The following KCNH5 variants were observed in gnomAD, a reference collection of about 807,000 sequenced individuals.
The protein encoded by KCNH5 is potassium voltage-gated channel subfamily H member 5, also known as voltage-gated delayed rectifier potassium channel KCNH5.
A neutral mutation model predicts 96.1 loss-of-function variants in KCNH5; 46 were observed. The observed-to-expected ratio is 0.48, with a 90% confidence interval of 0.38 to 0.61. The LOEUF is 0.61. Among genes scored for constraint, KCNH5 ranks in the 20% least tolerant of loss-of-function variants. The probability of loss-of-function intolerance (pLI) is 0.00; values close to 1 mark genes in which losing one functional copy is unlikely to be tolerated. For missense variants in KCNH5, 907 were observed against 1,225.8 expected, an observed-to-expected ratio of 0.74 and a Z score of 3.88; for synonymous variants, 439 against 449.8, an observed-to-expected ratio of 0.98 and a Z score of 0.30.
chr14:62,999,696 C>T (rs1453502572), intron 4 of KCNH5, among the ~76,000 whole-genome samples: 1 of 115,592 alleles, frequency 8.7e-6, no homozygotes, highest in Non-Finnish European at 1.6e-5. Flanking sequence ...GGGAACATCA[C>T]ACTCTGGGGA....
chr14:62,803,151 A>G (rs891074091), intron 8 of KCNH5, among the ~76,000 whole-genome samples: 6 of 152,196 alleles, frequency 3.9e-5, no homozygotes, highest in African/African-American at 1.4e-4. Context: ...ACCTTATCTC[A>G]AAACAAAAAC....
At chr14:63,036,845 T>C (rs1294034710) in intron 1 of KCNH5, among the ~76,000 whole-genome samples, 1 of 151,884 alleles carries the variant, frequency 6.6e-6, no homozygotes, top group African/African-American at 2.4e-5. Context: ...ATAAGATGAA[T>C]GGTGGAGAGG....
intron 7 of KCNH5, among the ~76,000 whole-genome samples, chr14:62,906,333 A>G (rs1889027321): frequency 6.6e-6 from 1 of 152,190 alleles, no homozygotes; most frequent in South Asian, 2.1e-4. Context: ...TGCTGTGAGA[A>G]TATAGAAAAG....
At chr14:63,044,006 T>C (rs1446060964) in intron 1 of KCNH5, among the ~76,000 whole-genome samples, 1 of 152,150 alleles carries the variant, frequency 6.6e-6, no homozygotes, top group Non-Finnish European at 1.5e-5. Context: ...CCCAAATAAA[T>C]ATTGTTTCAA....
chr14:62,732,250 A>G (rs931266463), intron 10 of KCNH5, among the ~76,000 whole-genome samples: 1 of 151,800 alleles, frequency 6.6e-6, no homozygotes, highest in Non-Finnish European at 1.5e-5. Flanking sequence ...TCCCCTCTCC[A>G]CCTATAGAAT....
intron 7 of KCNH5, among the ~76,000 whole-genome samples, chr14:62,946,265 A>C (rs141095301): frequency 3.2e-4 from 49 of 152,266 alleles, no homozygotes; most frequent in African/African-American, 1.1e-3. Context: ...CCTCAGAAAC[A>C]AAGTAAATAA....
chr14:62,977,951 T>C (rs562554020), intron 6 of KCNH5, among the ~76,000 whole-genome samples: 36 of 152,300 alleles, frequency 2.4e-4, no homozygotes, highest in South Asian at 4.1e-4. Flanking sequence ...AGTAAATGGA[T>C]AGTCCCAGAG....
At chr14:62,866,220 A>G (rs1316737665) in intron 7 of KCNH5, among the ~76,000 whole-genome samples, 3 of 152,198 alleles carry the variant, frequency 2.0e-5, no homozygotes, top group Non-Finnish European at 4.4e-5. Flanking sequence ...GAATCAATAA[A>G]AACCTGCAAG....
chr14:62,797,726 T>TG (rs1466211936), intron 9 of KCNH5, among the ~76,000 whole-genome samples: 6 of 152,040 alleles, frequency 3.9e-5, no homozygotes, highest in Non-Finnish European at 8.8e-5. Flanking sequence ...ATAATTTTTT[T>TG]TTTTTTTGAG....
At chr14:62,790,873 G>C (rs1351486894) in intron 9 of KCNH5, among the ~76,000 whole-genome samples, 1 of 151,730 alleles carries the variant, frequency 6.6e-6, no homozygotes, top group Non-Finnish European at 1.5e-5. Flanking sequence ...TGAGGTTTTT[G>C]TAGAATCTTT....
chr14:62,746,298 C>A (rs1056034368), intron 10 of KCNH5, among the ~76,000 whole-genome samples: 1 of 152,088 alleles, frequency 6.6e-6, no homozygotes, highest in Non-Finnish European at 1.5e-5. Flanking sequence ...CACCAACCTG[C>A]CAAATATATT....
chr14:62,967,929 A>T (rs891952275), intron 6 of KCNH5, among the ~76,000 whole-genome samples: 10 of 152,184 alleles, frequency 6.6e-5, no homozygotes, highest in African/African-American at 2.4e-4. Flanking sequence ...AGATAAAAAA[A>T]TTTTTATGTA....
intron 9 of KCNH5, among the ~76,000 whole-genome samples, chr14:62,791,739 T>C (rs1393570284): frequency 6.6e-6 from 1 of 151,676 alleles, no homozygotes; most frequent in African/African-American, 2.4e-5. Context: ...TGTAAATATA[T>C]ATGTACCCAA....
chr14:62,766,202 C>T (rs531225112), intron 10 of KCNH5, among the ~76,000 whole-genome samples: 5 of 152,138 alleles, frequency 3.3e-5, no homozygotes, highest in Admixed American at 1.3e-4. Flanking sequence ...TGTGGAAAAA[C>T]GGGACATCTT....
At chr14:62,973,551 G>T (rs1244759253) in intron 6 of KCNH5, among the ~76,000 whole-genome samples, 1 of 152,132 alleles carries the variant, frequency 6.6e-6, no homozygotes, top group East Asian at 1.9e-4. Context: ...TCCACCATGT[G>T]AGGACAGCCC....
intron 10 of KCNH5, among the ~76,000 whole-genome samples, chr14:62,772,220 T>G (rs878938834): frequency 6.6e-6 from 1 of 152,130 alleles, no homozygotes. Flanking sequence ...CCTTTTTTTT[T>G]GATTAACTAA....
At chr14:62,781,678 G>GCCGGGCTCA (rs2139977827) in intron 9 of KCNH5, among the ~76,000 whole-genome samples, 1 of 152,318 alleles carries the variant, frequency 6.6e-6, no homozygotes, top group Non-Finnish European at 1.5e-5. Context: ...GCTCTGTTCC[G>GCCGGGCTCA]CCGGGCTCAC....
At chr14:62,794,262 T>A (rs1886494071) in intron 9 of KCNH5, among the ~76,000 whole-genome samples, 1 of 152,038 alleles carries the variant, frequency 6.6e-6, no homozygotes, top group African/African-American at 2.4e-5. Context: ...AAATCTTTTT[T>A]AAAAAATAAA....
At chr14:62,873,237 T>C (rs747373891) in intron 7 of KCNH5, among the ~76,000 whole-genome samples, 4 of 152,086 alleles carry the variant, frequency 2.6e-5, no homozygotes, top group Admixed American at 6.5e-5. Flanking sequence ...GCATGTTATA[T>C]ACCCTCAAGT....
Sources: allele counts gnomAD v4.1 joint callset (sites outside exome capture counted in the v4.1 genomes callset), GRCh38; gene constraint gnomAD v4.1.1; transcripts MANE v1.5; gene names NCBI Gene and HGNC (gene_info 2026-07-23, HGNC 2026-07-21).